MCM9: variants seen among roughly 807,000 people sequenced by gnomAD.
MCM9 encodes minichromosome maintenance 9 homologous recombination repair factor, also known as DNA helicase MCM9.
MCM9 carries 55 observed loss-of-function variants against 72.8 expected under a neutral mutation model. The ratio of observed to expected loss-of-function variants is 0.76; its 90% CI spans 0.61 to 0.95. The LOEUF is 0.95. Ranked by LOEUF, MCM9 falls within the 40% of genes least tolerant of loss-of-function variation. The probability of loss-of-function intolerance (pLI) is 0.00; values close to 1 mark genes in which losing one functional copy is unlikely to be tolerated. For missense variants in MCM9, 1,279 were observed against 1,377.0 expected (o/e 0.93, Z 1.13); for synonymous variants, 480 against 503.4 (o/e 0.95, Z 0.62).
intron 3 of MCM9, among the ~76,000 whole-genome samples, chr6:118,924,674 G>A (rs80107311): frequency 1.3e-5 from 2 of 152,198 alleles, no homozygotes; most frequent in South Asian, 2.1e-4. Flanking sequence ...CTTACCTAGC[G>A]GTTTACCCGC....
intron 13 of MCM9, among the ~76,000 whole-genome samples, chr6:118,825,756 CCTT>C (rs1372760827): frequency 6.6e-6 from 1 of 152,132 alleles, no homozygotes; most frequent in East Asian, 1.9e-4. Context: ...CATGTATCCT[CCTT>C]GTCTATTATT....
Position 118,913,091 on chromosome 6 carries a change from CTTCT to C in MCM9, c.1030+200_1030+203del, listed in dbSNP as rs1339762474. 2.7e-5 allele frequency: 15 copies of C among 553,882 alleles called. No individual in the cohort carries two copies. In the African/African-American group the frequency reaches 2.8e-4, roughly 11 times the overall value. The allele number at this position is 553,882 out of a possible 1,614,324, so 34.3% of individuals were successfully genotyped here. Reference sequence around the variant, plus strand: ...AAGTATATGCCATAGAAAAATGTAACTTCTTTCAGTCTTTCTGGAACTCTAGAAA... The same window carrying C: ...AAGTATATGCCATAGAAAAATGTAACTTCAGTCTTTCTGGAACTCTAGAAA... On this transcript the variant is annotated intron_variant, in intron 7 of 13. Transcript: ENST00000619706.
chr6:118,842,906 A>G (rs997840032), intron 9 of MCM9, among the ~76,000 whole-genome samples: 2 of 152,188 alleles, frequency 1.3e-5, no homozygotes, highest in Non-Finnish European at 2.9e-5. Context: ...GACAAAATTT[A>G]AGTAATTAAA....
intron 13 of MCM9, among the ~76,000 whole-genome samples, chr6:118,823,827 T>C (rs1372629984): frequency 6.6e-6 from 1 of 151,890 alleles, no homozygotes; most frequent in East Asian, 1.9e-4. Flanking sequence ...TTTAAATACA[T>C]TAAAATGTTA....
chr6:118,889,482 T>C (rs1778811723), intron 8 of MCM9, among the ~76,000 whole-genome samples: 1 of 152,260 alleles, frequency 6.6e-6, no homozygotes, highest in African/African-American at 2.4e-5. Context: ...TACTGTTTTT[T>C]TTCCTGGTAT....
chr6:118,926,507 G>A (rs1407531458), intron 3 of MCM9, among the ~76,000 whole-genome samples: 1 of 152,156 alleles, frequency 6.6e-6, no homozygotes, highest in African/African-American at 2.4e-5. Flanking sequence ...ATGTAAGTCA[G>A]GGATATCTGA....
chr6:118,890,932 G>C (rs1012929278), intron 8 of MCM9, among the ~76,000 whole-genome samples: 1 of 152,188 alleles, frequency 6.6e-6, no homozygotes, highest in African/African-American at 2.4e-5. Flanking sequence ...ACAAAAGCTA[G>C]AGGTTAGTAC....
chr6:118,927,023 A>G (rs114591776), intron 3 of MCM9, among the ~76,000 whole-genome samples: 3,011 of 152,310 alleles, frequency 0.02, 109 homozygotes, highest in African/African-American at 0.069. Context: ...AAATAGGTAA[A>G]GAAAATTTGC....
intron 3 of MCM9, among the ~76,000 whole-genome samples, chr6:118,925,753 C>A (rs1049346289): frequency 5.3e-5 from 8 of 152,120 alleles, no homozygotes; most frequent in African/African-American, 1.9e-4. Context: ...ACACACTTTT[C>A]GTTCATATCC....
At chr6:118,900,955 C>T in intron 8 of MCM9, 1 of 1,043,766 alleles carries the variant, frequency 9.6e-7, no homozygotes, top group Non-Finnish European at 1.5e-6. Flanking sequence ...ATCTTATAAC[C>T]CTTATCCCTT....
At chr6:118,822,020 TC>T (rs1316027911) in intron 13 of MCM9, among the ~76,000 whole-genome samples, 4 of 152,208 alleles carry the variant, frequency 2.6e-5, no homozygotes, top group African/African-American at 9.6e-5. Flanking sequence ...AGTTAGCAGT[TC>T]CTGTAATCTT....
intron 8 of MCM9, among the ~76,000 whole-genome samples, chr6:118,859,368 C>G (rs1776765654): frequency 6.6e-6 from 1 of 152,074 alleles, no homozygotes; most frequent in Non-Finnish European, 1.5e-5. Context: ...GTCTAGCACA[C>G]AAGGAGCTTA....
Position 118,828,016 on chromosome 6 carries a change from C to G in MCM9, c.1643G>C (p.Arg548Pro), listed in dbSNP as rs886299880. The G allele has an allele frequency of 1.3e-6, 2 of 1,550,852 alleles. No homozygotes were observed. Among genetic ancestry groups the G allele is most frequent in the Admixed American group, 3.9e-5 (2 of 50,996 alleles). Residue 548 changes from arginine (R) to proline (P), a missense_variant, in exon 11 of 14, where the codon CGG becomes CCG. Physicochemically the swap from Arg to Pro is moderately radical, Grantham distance 103 (BLOSUM62 -2). Coordinates refer to ENST00000619706, the MANE Select transcript of MCM9 (RefSeq NM_017696.3). ...LSDVGNQVLL[R>P]YYQMQRQSDC... ...ACTCTGCCTTTGCATCTGGTAGTAC[C>G]GGAGAAGAACCTGATTGCCCACATC...
At chr6:118,842,867 A>C (rs1775482646) in intron 9 of MCM9, among the ~76,000 whole-genome samples, 1 of 152,100 alleles carries the variant, frequency 6.6e-6, no homozygotes, top group Non-Finnish European at 1.5e-5. Flanking sequence ...TCCTGGTTTC[A>C]TCTTACTTCT....
intron 3 of MCM9, among the ~76,000 whole-genome samples, chr6:118,930,211 C>T (rs1050071458): frequency 1.2e-4 from 18 of 152,124 alleles, no homozygotes; most frequent in Non-Finnish European, 2.1e-4. Flanking sequence ...CCTGGGTTCA[C>T]ACCATTCTCC....
At chr6:118,907,048 AAAC>A (rs1383002819) in intron 8 of MCM9, among the ~76,000 whole-genome samples, 1 of 152,218 alleles carries the variant, frequency 6.6e-6, no homozygotes, top group Non-Finnish European at 1.5e-5. Context: ...ATACCAATCT[AAAC>A]AACATAGTAG....
rs1463027071 is a variant in MCM9, at chr6:118,856,487, T to G, written c.1209A>C (p.Leu403Phe). ...SGEWNLEAGA[L>F]VLADAGLCCI... ...AGCAAAGGCCCGCATCTGCAAGAAC[T>G]AATGCCCCAGCCTCCAAATTCCATT... The change falls in exon 9 of 14, where the codon TTA becomes TTC. Residue 403 changes from leucine to phenylalanine, a missense_variant. Leu to Phe is a conservative substitution (Grantham distance 22). Transcript: ENST00000619706. 6.5e-7 allele frequency: 1 copy of G among 1,535,662 alleles called. No homozygotes were observed. The highest frequency in any genetic ancestry group is 2.4e-5 in the East Asian group (1 of 40,904).
At chr6:118,888,720 A>T (rs1242989627) in intron 8 of MCM9, among the ~76,000 whole-genome samples, 3 of 152,242 alleles carry the variant, frequency 2.0e-5, no homozygotes, top group Non-Finnish European at 2.9e-5. Context: ...TGGTATACCT[A>T]TACAATGGAA....
intron 3 of MCM9, among the ~76,000 whole-genome samples, chr6:118,929,882 T>C (rs1477023983): frequency 2.0e-5 from 3 of 152,180 alleles, no homozygotes; most frequent in African/African-American, 7.2e-5. Context: ...CCCTGATGCA[T>C]AATGATTAAT....
Sources: allele counts gnomAD v4.1 joint callset (sites outside exome capture counted in the v4.1 genomes callset), GRCh38; gene constraint gnomAD v4.1.1; transcripts MANE v1.5; gene names NCBI Gene and HGNC (gene_info 2026-07-23, HGNC 2026-07-21).